The following SOCS2 variants were observed in gnomAD, a reference collection of about 807,000 sequenced individuals.
SOCS2 encodes suppressor of cytokine signaling 2.
A neutral mutation model predicts 18.6 loss-of-function variants in SOCS2; 10 were observed. That is an observed-to-expected ratio of 0.54 (90% CI 0.33 to 0.91). The LOEUF is 0.91. Among genes scored for constraint, SOCS2 ranks in the 40% least tolerant of loss-of-function variants. The probability of loss-of-function intolerance (pLI) is 0.02; values close to 1 mark genes in which losing one functional copy is unlikely to be tolerated. For synonymous variants in SOCS2, 104 were observed against 104.0 expected (o/e 1.00, Z 0.00); for missense variants, 231 against 247.2 (o/e 0.93, Z 0.44).
the SOCS2 span, among the ~76,000 whole-genome samples, chr12:93,614,535 C>CTTT: frequency 9.1e-5 from 8 of 88,388 alleles, 1 homozygote; most frequent in African/African-American, 4.6e-4. Context: ...TTCCTTCCTT[C>CTTT]CTTCCTTCTT....
chr12:93,572,770 C>T lies in SOCS2; in HGVS notation c.-128C>T. ...AGAAAGAGCCCCATCCCTTCTCTCT[C>T]TGCCACCATTTCGGACACCCCGCAG... On this transcript the variant is annotated 5_prime_UTR_variant, in exon 1 of 2. Transcript: ENST00000551556. This position sits in a 1 kb window ranked among gnomAD's most constrained non-coding sequence, Gnocchi z 5.0. 8.3e-7 allele frequency: 1 copy of T among 1,200,512 alleles called. No individual in the cohort carries two copies. Among genetic ancestry groups the T allele is most frequent in the South Asian group, 1.3e-5 (1 of 76,500 alleles). The allele number at this position is 1,200,512 out of a possible 1,614,324, so 74.4% of individuals were successfully genotyped here.
At chr12:93,619,467 C>T in the SOCS2 span, among the ~76,000 whole-genome samples, 6 of 151,930 alleles carry the variant, frequency 3.9e-5, no homozygotes, top group East Asian at 5.8e-4. Context: ...AATGGTTGAT[C>T]GAATGAATGA....
chr12:93,619,281 G>T, the SOCS2 span, among the ~76,000 whole-genome samples: 1 of 152,010 alleles, frequency 6.6e-6, no homozygotes, highest in African/African-American at 2.4e-5. Flanking sequence ...TTATTTCCTG[G>T]CCAAGCCCAA....
the SOCS2 span, among the ~76,000 whole-genome samples, chr12:93,623,023 G>A: frequency 1.3e-5 from 2 of 152,108 alleles, no homozygotes; most frequent in Admixed American, 6.5e-5. Flanking sequence ...AATTCAACAA[G>A]GATATTTACT....
chr12:93,598,107 G>A, the SOCS2 span, among the ~76,000 whole-genome samples: 13 of 152,228 alleles, frequency 8.5e-5, no homozygotes, highest in African/African-American at 2.7e-4. Flanking sequence ...ATATCAGACT[G>A]GCAGGGAAAG....
the SOCS2 span, among the ~76,000 whole-genome samples, chr12:93,593,057 T>G: frequency 1.3e-5 from 2 of 152,066 alleles, no homozygotes; most frequent in Admixed American, 6.6e-5. Flanking sequence ...GTTTCCTGCC[T>G]TCTCTCTCCC....
chr12:93,597,863 T>C, the SOCS2 span, among the ~76,000 whole-genome samples: 1 of 152,196 alleles, frequency 6.6e-6, no homozygotes, highest in Admixed American at 6.5e-5. Context: ...ATCCTTCCTG[T>C]CCATGTTTTT....
At chr12:93,615,698 C>T in the SOCS2 span, among the ~76,000 whole-genome samples, 3 of 152,316 alleles carry the variant, frequency 2.0e-5, no homozygotes, top group South Asian at 2.1e-4. Context: ...TGGGTTCAAG[C>T]GATTCTTATG....
At chr12:93,576,780 T>C (rs933059953), downstream of SOCS2, 3 of 152,310 alleles carry the variant, frequency 2.0e-5, no homozygotes, top group South Asian at 2.1e-4. Flanking sequence ...AGTTGAAAAA[T>C]GGTTTTGTGC....
chr12:93,598,858 T>G, the SOCS2 span, among the ~76,000 whole-genome samples: 2 of 152,170 alleles, frequency 1.3e-5, no homozygotes, highest in Non-Finnish European at 2.9e-5. Context: ...TATCTAGCAA[T>G]AGAATTGCTG....
chr12:93,614,460 TTCC>T, the SOCS2 span, among the ~76,000 whole-genome samples: 1 of 91,444 alleles, frequency 1.1e-5, no homozygotes, highest in Non-Finnish European at 2.0e-5. Flanking sequence ...CCTTCCTTCC[TTCC>T]TTCCTTCCTT....
chr12:93,610,296 CCA>C, the SOCS2 span, among the ~76,000 whole-genome samples: 1 of 152,124 alleles, frequency 6.6e-6, no homozygotes, highest in East Asian at 1.9e-4. Flanking sequence ...GCCCCTCATC[CCA>C]GGACACCCCT....
chr12:93,574,588 C>A, intron 1 of SOCS2, 134 bp from the exon 2 acceptor site: 1 of 566,328 alleles, frequency 1.8e-6, no homozygotes, highest in Non-Finnish European at 2.8e-6. Flanking sequence ...GGTAAACTTT[C>A]GCTCACACAC....
downstream of SOCS2, among the ~76,000 whole-genome samples, chr12:93,586,157 CA>C (rs1954583922): frequency 6.6e-6 from 1 of 152,108 alleles, no homozygotes; most frequent in Non-Finnish European, 1.5e-5. Flanking sequence ...CTACTAACCT[CA>C]AAAAGTTTCT....
At chr12:93,579,451 AT>A (rs372414615), downstream of SOCS2, among the ~76,000 whole-genome samples, 6 of 149,760 alleles carry the variant, frequency 4.0e-5, no homozygotes, top group Non-Finnish European at 5.9e-5. Context: ...TGTTATGGGC[AT>A]TTTTTTTTTA....
chr12:93,601,051 A>C, the SOCS2 span, among the ~76,000 whole-genome samples: 36,116 of 150,674 alleles, frequency 0.24, 4,395 homozygotes, highest in Admixed American at 0.27. Flanking sequence ...TCGACCCCTG[A>C]AAGTGTTGGG....
the SOCS2 span, among the ~76,000 whole-genome samples, chr12:93,592,704 G>C: frequency 2.6e-5 from 4 of 152,054 alleles, no homozygotes; most frequent in African/African-American, 9.7e-5. Context: ...CATTGAGATC[G>C]AATAAACTTG....
the SOCS2 span, among the ~76,000 whole-genome samples, chr12:93,597,672 G>C: frequency 1.3e-5 from 2 of 152,178 alleles, no homozygotes; most frequent in African/African-American, 4.8e-5. Context: ...CATCAGAAAA[G>C]TACAGGGAAT....
At chr12:93,600,670 T>C in the SOCS2 span, among the ~76,000 whole-genome samples, 1 of 152,140 alleles carries the variant, frequency 6.6e-6, no homozygotes, top group African/African-American at 2.4e-5. Flanking sequence ...CACTTCATAA[T>C]GATCTTGTAT....
Sources: allele counts gnomAD v4.1 joint callset (sites outside exome capture counted in the v4.1 genomes callset), GRCh38; gene constraint gnomAD v4.1.1; non-coding constraint Gnocchi (gnomAD v3.1); transcripts MANE v1.5; gene names NCBI Gene and HGNC (gene_info 2026-07-23, HGNC 2026-07-21).